UTP18: variants seen among roughly 807,000 people sequenced by gnomAD.
UTP18 encodes the protein UTP18 small subunit processome component, also known as U3 small nucleolar RNA-associated protein 18 homolog.
In UTP18, 36 loss-of-function variants were observed where a neutral mutation model predicts 61.1. The observed-to-expected ratio is 0.59, with a 90% CI of 0.45 to 0.78. The LOEUF is 0.78. Ranked by LOEUF, UTP18 falls within the 30% of genes least tolerant of loss-of-function variation. The pLI, the probability that UTP18 is intolerant of heterozygous loss-of-function variation, is 0.00. For missense variants in UTP18, 753 were observed against 693.9 expected (o/e 1.09, Z -0.96); for synonymous variants, 282 against 251.1 (o/e 1.12, Z -1.16).
intron 4 of UTP18, among the ~76,000 whole-genome samples, chr17:51,271,396 T>A (rs1327807231): frequency 6.6e-6 from 1 of 152,092 alleles, no homozygotes; most frequent in Non-Finnish European, 1.5e-5. Context: ...AGTCTCGACC[T>A]CCTGGGTTCA....
chr17:51,276,253 C>CT (rs1304719814), intron 6 of UTP18, among the ~76,000 whole-genome samples: 2 of 152,310 alleles, frequency 1.3e-5, no homozygotes, highest in East Asian at 3.9e-4. Flanking sequence ...CACCCCTTGC[C>CT]TGTTCACAGT....
chr17:51,267,040 C>G (rs1297018963), intron 3 of UTP18, among the ~76,000 whole-genome samples: 1 of 152,138 alleles, frequency 6.6e-6, no homozygotes, highest in Non-Finnish European at 1.5e-5. Context: ...GTTGCTCAGG[C>G]TGGTCTTGAG....
intron 7 of UTP18, among the ~76,000 whole-genome samples, chr17:51,277,649 G>C (rs182975282): frequency 1.2e-3 from 183 of 152,188 alleles, no homozygotes; most frequent in Non-Finnish European, 2.2e-3. Flanking sequence ...TGGACAAACT[G>C]TTTCACCTCT....
intron 12 of UTP18, among the ~76,000 whole-genome samples, chr17:51,295,382 T>C (rs1296031752): frequency 1.3e-5 from 2 of 152,200 alleles, no homozygotes; most frequent in African/African-American, 4.8e-5. Flanking sequence ...TTGTATAAGG[T>C]GTAAGGAAGG....
chr17:51,282,473 GAGGA>G (rs769768681), intron 9 of UTP18, among the ~76,000 whole-genome samples: 17 of 148,940 alleles, frequency 1.1e-4, no homozygotes, highest in East Asian at 2.0e-4. Flanking sequence ...TGAAGAGAAA[GAGGA>G]AGGAAGGGAG....
intron 9 of UTP18, 123 bp from the exon 10 acceptor site, chr17:51,285,122 G>C: frequency 1.0e-6 from 1 of 974,230 alleles, no homozygotes; most frequent in South Asian, 2.1e-5. Flanking sequence ...AGAACTAGGA[G>C]GGTTATAATA....
chr17:51,264,293 G>A (rs898299877), intron 2 of UTP18, among the ~76,000 whole-genome samples: 3 of 151,936 alleles, frequency 2.0e-5, no homozygotes, highest in Admixed American at 1.3e-4. Context: ...GTATACACCC[G>A]TCTCTGCCTC....
chr17:51,285,154 G>T, intron 9 of UTP18, 91 bp from the exon 10 acceptor site: 2 of 1,426,692 alleles, frequency 1.4e-6, no homozygotes, highest in South Asian at 2.4e-5. Context: ...GTAGTCTCCT[G>T]TACTGTTAAG....
intron 11 of UTP18, among the ~76,000 whole-genome samples, chr17:51,292,111 C>T (rs1324608958): frequency 6.6e-6 from 1 of 152,172 alleles, no homozygotes; most frequent in Non-Finnish European, 1.5e-5. Flanking sequence ...TCTGCCTTCC[C>T]AAATTAAATG....
At chr17:51,281,416 GC>G (rs1455769636) in intron 9 of UTP18, among the ~76,000 whole-genome samples, 1 of 151,936 alleles carries the variant, frequency 6.6e-6, no homozygotes, top group Non-Finnish European at 1.5e-5. Context: ...AATTTTACAT[GC>G]CTTTTTTTCT....
intron 5 of UTP18, 32 bp from the exon 6 acceptor site, chr17:51,275,834 A>G (rs748618939): frequency 1.9e-6 from 3 of 1,567,986 alleles, no homozygotes; most frequent in East Asian, 2.3e-5. Flanking sequence ...ATTCATTTCA[A>G]TTGATAAAAT....
At chr17:51,297,618 T>G (rs560839288) in intron 13 of UTP18, among the ~76,000 whole-genome samples, 164 bp from the exon 14 acceptor site, 2 of 152,274 alleles carry the variant, frequency 1.3e-5, no homozygotes, top group South Asian at 4.1e-4. Context: ...TAGATTTAAT[T>G]AGGACAAAGG....
chr17:51,270,734 C>G (rs1904501591), intron 4 of UTP18, among the ~76,000 whole-genome samples: 1 of 152,106 alleles, frequency 6.6e-6, no homozygotes, highest in Non-Finnish European at 1.5e-5. Flanking sequence ...GATACTTTTG[C>G]CTACATTTTG....
intron 3 of UTP18, among the ~76,000 whole-genome samples, chr17:51,266,702 A>T (rs1292419242): frequency 6.6e-6 from 1 of 152,174 alleles, no homozygotes; most frequent in African/African-American, 2.4e-5. Flanking sequence ...TTAACTCATT[A>T]ATTTGTCAAT....
In UTP18 at chr17:51,268,815, T is replaced by A. The variant is rs116675168; in HGVS notation, c.555-22T>A. 1,131 of 1,608,874 alleles carry A rather than the reference T, an allele frequency of 7.0e-4. 10 individuals carry two copies. The African/African-American group carries it at 0.011, about 16-fold the overall frequency. On this transcript the variant is annotated intron_variant, in intron 3 of 13. Transcript: ENST00000225298. ...ACATGTAGTGGTTGCCATAAATATA[T>A]TTTTCAAATATTTTTGCTTAGATTC...
At position 51,296,993 on chromosome 17, in the gene UTP18, G is replaced by C; in HGVS notation, c.*4G>C. On this transcript the variant is annotated 3_prime_UTR_variant, in exon 13 of 14. Transcript: ENST00000225298. ...GCACCATTACTCAGACTTCTAAAGA[G>C]ACTATTTGAAGTAAGAAAACCCTTT... 6.2e-7 allele frequency: 1 copy of C among 1,603,864 alleles called. No individual in the cohort carries two copies. The highest frequency in any genetic ancestry group is 8.5e-7 in the Non-Finnish European group (1 of 1,176,108).
intron 4 of UTP18, 97 bp downstream of exon 4, chr17:51,269,001 T>C: frequency 7.7e-7 from 1 of 1,291,510 alleles, no homozygotes; most frequent in Non-Finnish European, 1.1e-6. Flanking sequence ...AACCTGGCAT[T>C]TCTTGCCTGG....
At position 51,297,058 on chromosome 17, in the gene UTP18, G is replaced by C. The variant is rs1486887860; in HGVS notation, c.*14+55G>C. 5 of 1,447,968 alleles carry C rather than the reference G, an allele frequency of 3.5e-6. No individual in the cohort carries two copies. The African/African-American group carries it at 4.3e-5, about 12-fold the overall frequency. The allele number at this position is 1,447,968 out of a possible 1,614,324, so 89.7% of individuals were successfully genotyped here. ...CAGGTTTTAAGATACACCCATTGCTGTCAGTTGGTGGAAGCAGCACATTAG... is the reference window on the plus strand; with the variant it reads ...CAGGTTTTAAGATACACCCATTGCTCTCAGTTGGTGGAAGCAGCACATTAG... On this transcript the variant is annotated intron_variant, in intron 13 of 13. Coordinates refer to ENST00000225298, the MANE Select transcript of UTP18 (RefSeq NM_016001.3).
rs371731234 is a variant in UTP18 at position 51,277,260 on chromosome 17, A to C, written c.968A>C (p.Tyr323Ser). 1 of 1,614,044 alleles carries C rather than the reference A, an allele frequency of 6.2e-7. No homozygotes were observed. The highest frequency in any genetic ancestry group is 8.5e-7 in the Non-Finnish European group (1 of 1,180,026). Residue 323 changes from tyrosine (Y) to serine (S), a missense_variant, in exon 7 of 14, where the codon TAT (tyrosine) becomes TCT (serine). Coordinates refer to ENST00000225298, the MANE Select transcript of UTP18 (RefSeq NM_016001.3). ...ACCCACAGCAAGGTTCTTTATGTCT[A>C]TGACATGCTGGCTGGAAAGTTAATT... ...TSTHSKVLYVYDMLAGKLIPV... is the reference protein window; with the variant it reads ...TSTHSKVLYVSDMLAGKLIPV...
Sources: gnomAD v4.1 joint callset for allele counts (sites outside exome capture counted in the v4.1 genomes callset) on GRCh38, gnomAD v4.1.1 for gene constraint, MANE v1.5 for transcripts, NCBI Gene and HGNC (gene_info 2026-07-23, HGNC 2026-07-21) for gene names.